The following RAPH1 variants were observed in gnomAD, a reference collection of about 807,000 sequenced individuals.
RAPH1 encodes Ras association (RalGDS/AF-6) and pleckstrin homology domains 1, also known as ras-associated and pleckstrin homology domains-containing protein 1.
A neutral mutation model predicts 88.1 loss-of-function variants in RAPH1; 18 were observed. The ratio of observed to expected loss-of-function variants is 0.20; its 90% CI spans 0.14 to 0.30. The LOEUF is 0.30. RAPH1 is among the 10% of genes least tolerant of loss of function. The pLI, the probability that RAPH1 is intolerant of heterozygous loss-of-function variation, is 1.00. For synonymous variants in RAPH1, 587 were observed against 559.0 expected (o/e 1.05, Z -0.71); for missense variants, 1,448 against 1,543.2 (o/e 0.94, Z 1.03).
intron 4 of RAPH1, among the ~76,000 whole-genome samples, chr2:203,463,155 T>C (rs1448314092): frequency 1.3e-5 from 2 of 151,520 alleles, no homozygotes; most frequent in South Asian, 2.1e-4. Context: ...TGAGCTAAGA[T>C]TGTGCCACTG....
intron 13 of RAPH1, 105 bp downstream of exon 13, chr2:203,444,763 G>A: frequency 9.6e-7 from 1 of 1,045,452 alleles, no homozygotes; most frequent in Non-Finnish European, 1.4e-6. Context: ...AAAGGAGACT[G>A]AAATAAGGCC....
chr2:203,501,057 TTC>T (rs778936431), intron 1 of RAPH1, among the ~76,000 whole-genome samples: 5 of 152,172 alleles, frequency 3.3e-5, no homozygotes, highest in Non-Finnish European at 7.3e-5. Context: ...AGGTGAAGAC[TTC>T]CATGTTCAAG....
chr2:203,442,621 G>C (rs541415637), intron 13 of RAPH1: 1 of 152,518 alleles, frequency 6.6e-6, no homozygotes, highest in South Asian at 2.1e-4. Context: ...TGTCTTGGCT[G>C]CTTCAGGGGC....
chr2:203,493,563 T>A (rs1383664745), intron 2 of RAPH1, among the ~76,000 whole-genome samples: 2 of 152,178 alleles, frequency 1.3e-5, no homozygotes, highest in African/African-American at 4.8e-5. Flanking sequence ...AAATTAAGAA[T>A]TAAAACAGAA....
Position 203,434,037 on chromosome 2 carries a change from CATATATCT to C in RAPH1, c.*5392_*5399del, listed in dbSNP as rs2098495800. ...TCAGTAGTACTGAATATATCTCTCT[CATATATCT>C]ATCTATCTATCTATATATATATATA... On this transcript the variant is annotated 3_prime_UTR_variant, in exon 14 of 14. Transcript: ENST00000319170. 1 of 131,360 alleles carries C rather than the reference CATATATCT, an allele frequency of 7.6e-6. No individual in the cohort carries two copies. The highest frequency in any genetic ancestry group is 1.6e-5 in the Non-Finnish European group (1 of 63,616). The allele number at this position is 131,360 out of a possible 1,614,324, so 8.1% of individuals were successfully genotyped here.
intron 4 of RAPH1, among the ~76,000 whole-genome samples, chr2:203,486,743 T>G (rs1005359851): frequency 2.0e-5 from 3 of 152,202 alleles, no homozygotes; most frequent in African/African-American, 7.2e-5. Context: ...GTTCAGGATA[T>G]ATTAAGCTTG....
intron 1 of RAPH1, among the ~76,000 whole-genome samples, chr2:203,497,274 C>T (rs1007432477): frequency 6.6e-6 from 1 of 152,146 alleles, no homozygotes; most frequent in Non-Finnish European, 1.5e-5. Context: ...TCCCAGCCTC[C>T]AGAATAGTAA....
chr2:203,439,301 CACACAT>C lies in RAPH1; in HGVS notation c.*130_*135del. ...CTGTGTGTACATGCACGTGTACACA[CACACAT>C]ACACATATAGCTGGACACTACCTGA... is the stretch of plus-strand genomic sequence containing the variant. On this transcript the variant is annotated 3_prime_UTR_variant, in exon 14 of 14. Transcript: ENST00000319170. The C allele has an allele frequency of 1.4e-6, 1 of 733,210 alleles. No individual in the cohort carries two copies. The highest frequency in any genetic ancestry group is 2.3e-6 in the Non-Finnish European group (1 of 438,160). 45.4% of individuals were successfully genotyped at this position (733,210 alleles called of 1,614,324 possible).
At chr2:203,510,335 C>CAA (rs33911103) in intron 1 of RAPH1, among the ~76,000 whole-genome samples, 4,053 of 37,504 alleles carry the variant, frequency 0.11, 576 homozygotes, top group African/African-American at 0.17. Context: ...AACTCCATCT[C>CAA]AAAAAAAAAA....
intron 4 of RAPH1, among the ~76,000 whole-genome samples, chr2:203,480,984 A>T (rs996155395): frequency 1.3e-5 from 2 of 152,214 alleles, no homozygotes; most frequent in Non-Finnish European, 2.9e-5. Flanking sequence ...TGAACGATTA[A>T]TATTACTACG....
intron 1 of RAPH1, among the ~76,000 whole-genome samples, chr2:203,495,833 T>G (rs1337972782): frequency 5.9e-5 from 9 of 152,176 alleles, no homozygotes; most frequent in Admixed American, 5.2e-4. Flanking sequence ...AAGAGAAAAT[T>G]TGACAAAACA....
In RAPH1 at chr2:203,440,998, G is replaced by T; in HGVS notation, c.2192C>A (p.Ala731Glu). 1 of 1,477,184 alleles carries T rather than the reference G, an allele frequency of 6.8e-7. No individual in the cohort carries two copies. The highest frequency in any genetic ancestry group is 9.1e-7 in the Non-Finnish European group (1 of 1,099,640). 91.5% of individuals were successfully genotyped at this position (1,477,184 alleles called of 1,614,324 possible). A position where few individuals can be genotyped will look rare whatever the true frequency, so the allele number is the denominator to read the frequency against. ...CTGTGGAAGGGATGGGGCACACGGT[G>T]CAGGCTTTAGCTGGGCCATGGCAGA... ...PGSAMAQLKP[A>E]PCAPSLPQFS... The change falls in exon 14 of 14, where the codon GCA (alanine) becomes GAA (glutamate). Residue 731 changes from alanine (A) to glutamate (E), a missense_variant. By Grantham distance (107) the Ala-to-Glu change is moderately radical (BLOSUM62 -1). Around this residue, in one of 2 missense-constraint regions of RAPH1, gnomAD observed 935 missense variants for 890.1 expected, o/e 1.05. Coordinates refer to ENST00000319170, the MANE Select transcript of RAPH1 (RefSeq NM_213589.3).
chr2:203,528,341 C>T lies in RAPH1; in HGVS notation c.-1+6770G>A, dbSNP rs1332868019. Reference sequence around the variant, plus strand: ...CCATTTCTAACTTTTTAAATGCCTTCCAAACACAGTTTTGGTGGATTTTGA... The same window carrying T: ...CCATTTCTAACTTTTTAAATGCCTTTCAAACACAGTTTTGGTGGATTTTGA... On this transcript the variant is annotated intron_variant, in intron 1 of 13. Coordinates refer to ENST00000319170, the MANE Select transcript of RAPH1 (RefSeq NM_213589.3). Among the ~76,000 whole-genome samples, 4 of 152,078 alleles carry T rather than the reference C, an allele frequency of 2.6e-5. No homozygotes were observed. The East Asian group carries it at 7.7e-4, about 29-fold the overall frequency.
chr2:203,486,258 C>A (rs989166670), intron 4 of RAPH1, among the ~76,000 whole-genome samples: 1 of 152,160 alleles, frequency 6.6e-6, no homozygotes, highest in Non-Finnish European at 1.5e-5. Context: ...AACATATATT[C>A]ATTCCAGTAA....
At chr2:203,529,716 C>A (rs1298019050) in intron 1 of RAPH1, among the ~76,000 whole-genome samples, 2 of 152,142 alleles carry the variant, frequency 1.3e-5, no homozygotes, top group Non-Finnish European at 2.9e-5. Context: ...TAATACTGGG[C>A]CTACTGAATA....
chr2:203,507,541 G>A (rs1366419496), intron 1 of RAPH1, among the ~76,000 whole-genome samples: 1 of 152,190 alleles, frequency 6.6e-6, no homozygotes, highest in African/African-American at 2.4e-5. Flanking sequence ...GAGGGTTCCA[G>A]TTATAATGCA....
At chr2:203,461,703 A>T in intron 5 of RAPH1, 145 bp downstream of exon 5, 1 of 599,382 alleles carries the variant, frequency 1.7e-6, no homozygotes, top group Non-Finnish European at 2.7e-6. Flanking sequence ...CACAAAAAAT[A>T]CTACATGTGA....
intron 8 of RAPH1, among the ~76,000 whole-genome samples, chr2:203,457,167 A>ATATTT (rs773017165): frequency 2.6e-5 from 4 of 151,726 alleles, no homozygotes; most frequent in Non-Finnish European, 4.4e-5. Flanking sequence ...AAGGTATTTA[A>ATATTT]TATTTTATTT....
intron 4 of RAPH1, among the ~76,000 whole-genome samples, chr2:203,481,113 TG>T (rs1474205707): frequency 6.6e-6 from 1 of 152,166 alleles, no homozygotes; most frequent in Non-Finnish European, 1.5e-5. Flanking sequence ...CACCACAAGA[TG>T]GGGATGCTAT....
Sources: allele counts gnomAD v4.1 joint callset (sites outside exome capture counted in the v4.1 genomes callset), GRCh38; gene constraint gnomAD v4.1.1; regional missense constraint gnomAD v4.1.1; transcripts MANE v1.5; gene names NCBI Gene and HGNC (gene_info 2026-07-23, HGNC 2026-07-21).